The following MMD2 variants were observed in gnomAD, a reference collection of about 807,000 sequenced individuals.
MMD2 encodes monocyte to macrophage differentiation associated 2.
In MMD2, 30 loss-of-function variants were observed where a neutral mutation model predicts 33.5. That is an observed-to-expected ratio of 0.90 (90% CI 0.67 to 1.22). The LOEUF is 1.22. Among genes scored for constraint, MMD2 ranks in the 50% most tolerant of loss-of-function variants. The pLI is 0.00. For missense variants in MMD2, 364 were observed against 325.4 expected (o/e 1.12, Z -0.91); for synonymous variants, 129 against 123.0 (o/e 1.05, Z -0.32).
Position 4,906,534 on chromosome 7 carries a change from T to A in MMD2, c.*862A>T, listed in dbSNP as rs1456985593. ...GAATAGCTCTCGTAATGTCTCTGGA[T>A]TTTTGGAGATGGGAAGAAATGGCCA... On this transcript the variant is annotated 3_prime_UTR_variant, in exon 7 of 7. Transcript: ENST00000401401. The A allele has an allele frequency of 2.5e-6, 1 of 398,492 alleles. No individual in the cohort carries two copies. Among genetic ancestry groups the A allele is most frequent in the Non-Finnish European group, 4.4e-6 (1 of 226,090 alleles). The allele number at this position is 398,492 out of a possible 1,614,324, so 24.7% of individuals were successfully genotyped here. A position where few individuals can be genotyped will look rare whatever the true frequency, so the allele number is the denominator to read the frequency against.
In MMD2 at chr7:4,907,309, C is replaced by T; in HGVS notation, c.*87G>A. ...AGAACTCTACCCAATAAAGGGAAGACAGGCCTTGGCGCTGTGCTCTGGGTT... is the reference window on the plus strand; with the variant it reads ...AGAACTCTACCCAATAAAGGGAAGATAGGCCTTGGCGCTGTGCTCTGGGTT... On this transcript the variant is annotated 3_prime_UTR_variant, in exon 7 of 7. Coordinates refer to ENST00000401401, the MANE Select transcript of MMD2 (RefSeq NM_198403.4). The T allele has an allele frequency of 7.5e-7, 1 of 1,334,598 alleles. No individual in the cohort carries two copies. Among genetic ancestry groups the T allele is most frequent in the Middle Eastern group, 2.6e-4 (1 of 3,872 alleles). The allele number at this position is 1,334,598 out of a possible 1,614,324, so 82.7% of individuals were successfully genotyped here. A position where few individuals can be genotyped will look rare whatever the true frequency, so the allele number is the denominator to read the frequency against.
intron 1 of MMD2, among the ~76,000 whole-genome samples, chr7:4,944,320 C>T (rs745403422): frequency 1.3e-4 from 20 of 152,026 alleles, no homozygotes; most frequent in Non-Finnish European, 2.6e-4. Flanking sequence ...CCCATCCCTC[C>T]CCTGGCCCCA....
chr7:4,938,270 A>T (rs1242251300), intron 1 of MMD2, among the ~76,000 whole-genome samples: 1 of 151,754 alleles, frequency 6.6e-6, no homozygotes, highest in Non-Finnish European at 1.5e-5. Flanking sequence ...CAGCCTCCCA[A>T]AGTGCTGGGA....
chr7:4,900,735 T>C, the MMD2 span, among the ~76,000 whole-genome samples: 2 of 152,086 alleles, frequency 1.3e-5, no homozygotes, highest in South Asian at 4.2e-4. Flanking sequence ...ATATCCCCTC[T>C]TCTGCCACCC....
In MMD2 at chr7:4,909,875, A is replaced by C; in HGVS notation, c.537+6T>G. The C allele has an allele frequency of 6.2e-7, 1 of 1,610,722 alleles. No individual in the cohort carries two copies. Among genetic ancestry groups the C allele is most frequent in the African/African-American group, 1.3e-5 (1 of 74,960 alleles). On this transcript the variant is annotated splice_donor_region_variant and intron_variant, in intron 6 of 6. Transcript: ENST00000401401. Reference sequence around the variant, plus strand: ...GACTCATCTATGCAGGGCTGGCAGCACTTACCATGGAGAGGATGACCAGGG... The same window carrying C: ...GACTCATCTATGCAGGGCTGGCAGCCCTTACCATGGAGAGGATGACCAGGG...
chr7:4,932,398 T>G (rs1271466974), intron 1 of MMD2, among the ~76,000 whole-genome samples: 2 of 152,186 alleles, frequency 1.3e-5, no homozygotes, highest in Non-Finnish European at 2.9e-5. Flanking sequence ...TGAATTCATA[T>G]TTTAATTTGC....
intron 1 of MMD2, among the ~76,000 whole-genome samples, chr7:4,935,379 G>A (rs2137502): frequency 0.2 from 30,733 of 151,034 alleles, 4,183 homozygotes; most frequent in African/African-American, 0.38. Flanking sequence ...TGACGACTGG[G>A]CTCCACACCC....
At chr7:4,936,919 A>G (rs1785757093) in intron 1 of MMD2, among the ~76,000 whole-genome samples, 1 of 151,280 alleles carries the variant, frequency 6.6e-6, no homozygotes, top group Non-Finnish European at 1.5e-5. Flanking sequence ...TATTTTTAGT[A>G]GAGACGGGGT....
chr7:4,894,425 C>T, the MMD2 span, among the ~76,000 whole-genome samples: 2 of 152,180 alleles, frequency 1.3e-5, no homozygotes, highest in Non-Finnish European at 2.9e-5. The surrounding 1 kb of genome is among the most constrained non-coding windows in gnomAD (Gnocchi z 4.3). Context: ...GTAGCCAATT[C>T]CTAGAGATAG....
chr7:4,925,119 C>T (rs1358945874), intron 2 of MMD2, among the ~76,000 whole-genome samples: 6 of 151,984 alleles, frequency 3.9e-5, no homozygotes, highest in South Asian at 2.1e-4. Flanking sequence ...TTAGTAGAGA[C>T]GGGGTTTCAC....
intron 1 of MMD2, among the ~76,000 whole-genome samples, chr7:4,942,617 CT>C (rs11342765): frequency 0.33 from 48,146 of 143,984 alleles, 9,187 homozygotes; most frequent in Non-Finnish European, 0.45. Flanking sequence ...GTCTATACCT[CT>C]TTTTTTTTTT....
chr7:4,909,974 G>A (rs373175616), intron 5 of MMD2, 24 bp from the exon 6 acceptor site: 183 of 1,613,788 alleles, frequency 1.1e-4, no homozygotes, highest in Non-Finnish European at 1.4e-4. Flanking sequence ...AAGCCGTGCC[G>A]GCCTTAGGAC....
intron 1 of MMD2, among the ~76,000 whole-genome samples, chr7:4,948,034 T>C (rs1424789966): frequency 1.3e-5 from 2 of 151,608 alleles, no homozygotes; most frequent in Non-Finnish European, 2.9e-5. Flanking sequence ...TCACAAGAAC[T>C]CATTCACTAT....
chr7:4,938,002 C>CTTTTTTTCT (rs1785792930), intron 1 of MMD2, among the ~76,000 whole-genome samples: 5 of 45,650 alleles, frequency 1.1e-4, no homozygotes, highest in Non-Finnish European at 1.8e-4. Context: ...TTCTTTCTTT[C>CTTTTTTTCT]TTTTTTTTTT....
At position 4,946,661 on chromosome 7, in the gene MMD2, G is replaced by T. The variant is rs372900332; in HGVS notation, c.47+12310C>A. ...CCCTCATGGATCAACCTAGCACCAC[G>T]GGTGGCAGGTCTACCAGATATCTCC... On this transcript the variant is annotated intron_variant, in intron 1 of 6. Transcript: ENST00000401401. The surrounding 1 kb of genome is among the most constrained non-coding windows in gnomAD (Gnocchi z 5.0). 6.6e-6 allele frequency among the ~76,000 whole-genome samples: 1 copy of T among 152,098 alleles called. No homozygotes were observed. Among genetic ancestry groups the T allele is most frequent in the African/African-American group, 2.4e-5 (1 of 41,426 alleles).
rs181050463 is a variant in MMD2 at position 4,940,124 on chromosome 7, C to T, written c.48-14592G>A. 4.1e-4 allele frequency among the ~76,000 whole-genome samples: 63 copies of T among 152,256 alleles called. No individual in the cohort carries two copies. The highest frequency in any genetic ancestry group is 7.9e-4 in the African/African-American group (33 of 41,572). ...ACGCCAGGAGAGTGGCTGCCCTTGA[C>T]GGTAGTGAGGACTGACTAATGGGGT... On this transcript the variant is annotated intron_variant, in intron 1 of 6. Transcript: ENST00000401401. This position sits in a 1 kb window ranked among gnomAD's most constrained non-coding sequence, Gnocchi z 5.0.
At chr7:4,938,616 T>A (rs1003160598) in intron 1 of MMD2, among the ~76,000 whole-genome samples, 1 of 152,132 alleles carries the variant, frequency 6.6e-6, no homozygotes, top group Non-Finnish European at 1.5e-5. Context: ...GAATAAGTTT[T>A]CGAAGAGACA....
intron 3 of MMD2, among the ~76,000 whole-genome samples, chr7:4,917,422 G>A (rs1180129739): frequency 6.6e-6 from 1 of 152,144 alleles, no homozygotes; most frequent in Non-Finnish European, 1.5e-5. Flanking sequence ...AGCACTTTGG[G>A]AGGCCAAGGT....
intron 1 of MMD2, among the ~76,000 whole-genome samples, chr7:4,945,337 C>A (rs527934634): frequency 6.7e-6 from 1 of 148,202 alleles, no homozygotes; most frequent in East Asian, 2.0e-4. Context: ...GGCGTGATCT[C>A]GGCTCACTGC....
Sources: gnomAD v4.1 joint callset for allele counts (sites outside exome capture counted in the v4.1 genomes callset) on GRCh38, gnomAD v4.1.1 for gene constraint, Gnocchi (gnomAD v3.1) non-coding constraint, MANE v1.5 for transcripts, NCBI Gene and HGNC (gene_info 2026-07-23, HGNC 2026-07-21) for gene names.